The following BRD10 variants were observed in gnomAD, a reference collection of about 807,000 sequenced individuals.
The protein encoded by BRD10 is uncharacterized bromodomain-containing protein 10.
the BRD10 span, among the ~76,000 whole-genome samples, chr9:5,943,675 C>T: frequency 6.6e-6 from 1 of 151,962 alleles, no homozygotes; most frequent in East Asian, 1.9e-4. Context: ...TGCCTATACA[C>T]CTAAAGTGTA....
the BRD10 span, among the ~76,000 whole-genome samples, chr9:5,900,982 G>A: frequency 6.6e-6 from 1 of 152,098 alleles, no homozygotes. Flanking sequence ...TGGGGTTCTT[G>A]CTAAAAGGCA....
At chr9:6,001,165 C>T in the BRD10 span, among the ~76,000 whole-genome samples, 1 of 152,178 alleles carries the variant, frequency 6.6e-6, no homozygotes, top group Non-Finnish European at 1.5e-5. Flanking sequence ...TTGAATTTAC[C>T]TCTTTTGTAT....
At chr9:6,007,548 C>T in the BRD10 span, 12 of 1,612,946 alleles carry the variant, frequency 7.4e-6, no homozygotes, top group Admixed American at 3.3e-5. Flanking sequence ...GGTAGCCCTG[C>T]TGTAGCTCGT....
At chr9:5,953,504 T>C in the BRD10 span, among the ~76,000 whole-genome samples, 2 of 152,090 alleles carry the variant, frequency 1.3e-5, no homozygotes, top group South Asian at 4.1e-4. Flanking sequence ...TTACTTAATA[T>C]TCTCTCTGAA....
chr9:5,954,187 G>A, the BRD10 span: 5 of 690,982 alleles, frequency 7.2e-6, no homozygotes, highest in Non-Finnish European at 1.3e-5. Context: ...AAGTTAAATT[G>A]TAACTAACAG....
At chr9:5,989,448 T>G in the BRD10 span, among the ~76,000 whole-genome samples, 4 of 150,496 alleles carry the variant, frequency 2.7e-5, no homozygotes, top group Non-Finnish European at 5.9e-5. Flanking sequence ...AAAAGAAAAT[T>G]TATATAAATT....
the BRD10 span, among the ~76,000 whole-genome samples, chr9:5,977,506 T>A: frequency 3.0e-4 from 46 of 152,270 alleles, no homozygotes; most frequent in African/African-American, 1.1e-3. Context: ...CAGCCATTTT[T>A]AAAAAAACTT....
At chr9:5,937,409 C>T in the BRD10 span, among the ~76,000 whole-genome samples, 1 of 151,842 alleles carries the variant, frequency 6.6e-6, no homozygotes, top group Non-Finnish European at 1.5e-5. Context: ...GTGGCACATG[C>T]CTGTAATCCC....
chr9:5,921,163 G>C, the BRD10 span: 1 of 1,613,904 alleles, frequency 6.2e-7, no homozygotes, highest in African/African-American at 1.3e-5. Context: ...TATAGCCCTT[G>C]CTACTTTTGT....
At chr9:5,981,617 C>T in the BRD10 span, among the ~76,000 whole-genome samples, 3 of 151,842 alleles carry the variant, frequency 2.0e-5, no homozygotes, top group Non-Finnish European at 2.9e-5. Flanking sequence ...ATCCATGTAT[C>T]TATCTTCTAT....
the BRD10 span, among the ~76,000 whole-genome samples, chr9:6,004,264 CTATTTT>C: frequency 6.6e-6 from 1 of 152,170 alleles, no homozygotes; most frequent in Non-Finnish European, 1.5e-5. Flanking sequence ...CAGAATTATT[CTATTTT>C]TAAGTAACTG....
chr9:5,950,517 C>T, the BRD10 span, among the ~76,000 whole-genome samples: 2 of 152,146 alleles, frequency 1.3e-5, no homozygotes, highest in African/African-American at 4.8e-5. Flanking sequence ...TTGCAGAACC[C>T]TTGTGTTTAA....
chr9:5,894,936 C>G, the BRD10 span, among the ~76,000 whole-genome samples: 1 of 152,154 alleles, frequency 6.6e-6, no homozygotes, highest in Non-Finnish European at 1.5e-5. The surrounding 1 kb of genome is among the most constrained non-coding windows in gnomAD (Gnocchi z 4.0). Flanking sequence ...GTGAAGGAAC[C>G]CCTTGACTGA....
the BRD10 span, chr9:5,968,094 T>G: frequency 1.3e-6 from 2 of 1,566,614 alleles, no homozygotes; most frequent in Non-Finnish European, 1.7e-6. Context: ...TTGTAAGACT[T>G]GAATGCAAGA....
the BRD10 span, chr9:5,897,662 A>T: frequency 6.2e-7 from 1 of 1,608,658 alleles, no homozygotes; most frequent in East Asian, 2.2e-5. Context: ...TGGTTGGTAA[A>T]GTTCCCACTG....
chr9:5,917,634 C>T, the BRD10 span, among the ~76,000 whole-genome samples: 19 of 152,182 alleles, frequency 1.2e-4, no homozygotes, highest in Non-Finnish European at 2.2e-4. Flanking sequence ...GGCGGATCAC[C>T]TGAGGTCAGG....
the BRD10 span, chr9:5,922,255 A>G: frequency 1.2e-6 from 2 of 1,613,852 alleles, no homozygotes; most frequent in Non-Finnish European, 1.7e-6. Flanking sequence ...AACTACCAGG[A>G]TTTGTAGACC....
At chr9:5,923,368 C>T in the BRD10 span, 1 of 1,258,042 alleles carries the variant, frequency 7.9e-7, no homozygotes, top group Non-Finnish European at 1.1e-6. Flanking sequence ...ATAGTAATAA[C>T]ATCAACTGTA....
At chr9:5,893,940 T>C in the BRD10 span, among the ~76,000 whole-genome samples, 2 of 129,866 alleles carry the variant, frequency 1.5e-5, no homozygotes, top group African/African-American at 5.8e-5. Flanking sequence ...CCCTGGTGGG[T>C]ATCATTCTTG....
Sources: gnomAD v4.1 joint callset for allele counts (sites outside exome capture counted in the v4.1 genomes callset) on GRCh38, gnomAD v4.1.1 for gene constraint, Gnocchi (gnomAD v3.1) non-coding constraint, MANE v1.5 for transcripts, NCBI Gene and HGNC (gene_info 2026-07-23, HGNC 2026-07-21) for gene names.